CSMD1: variants seen among roughly 807,000 people sequenced by gnomAD.
CSMD1 encodes the protein CUB and sushi domain-containing protein 1.
A neutral mutation model predicts 417.5 loss-of-function variants in CSMD1; 213 were observed. The observed-to-expected ratio is 0.51, with a 90% CI of 0.46 to 0.57. The LOEUF (loss-of-function observed/expected upper bound fraction) is 0.57. CSMD1 is among the 20% of genes least tolerant of loss of function. The pLI is 0.00. For missense variants in CSMD1, 6,923 were observed against 4,529.7 expected, an observed-to-expected ratio of 1.53 and a Z score of -15.17; for synonymous variants, 2,862 against 1,736.8, an observed-to-expected ratio of 1.65 and a Z score of -16.11.
In CSMD1 at chr8:2,954,221, A is replaced by T; in HGVS notation, c.10039+3T>A. 6.7e-7 allele frequency: 1 copy of T among 1,493,674 alleles called. No individual in the cohort carries two copies. The highest frequency in any genetic ancestry group is 9.1e-7 in the Non-Finnish European group (1 of 1,099,658). 92.5% of individuals were successfully genotyped at this position (1,493,674 alleles called of 1,614,324 possible). A position where few individuals can be genotyped will look rare whatever the true frequency, so the allele number is the denominator to read the frequency against. ...AAATCTAGAACTGTTCTGGTATACA[A>T]ACCTGGAGTTTTAGTAACTGTTTCA... On this transcript the variant is annotated splice_donor_region_variant and intron_variant, in intron 65 of 69. Transcript: ENST00000635120.
chr8:4,728,843 A>G (rs1809647629), intron 1 of CSMD1, among the ~76,000 whole-genome samples: 1 of 152,158 alleles, frequency 6.6e-6, no homozygotes, highest in African/African-American at 2.4e-5. Flanking sequence ...AAAAGCTGGC[A>G]TCTACTGAGA....
chr8:4,377,491 A>C (rs188683295), intron 3 of CSMD1, among the ~76,000 whole-genome samples: 3 of 152,320 alleles, frequency 2.0e-5, no homozygotes, highest in Admixed American at 6.5e-5. Context: ...ACTATATTTT[A>C]AAGGTTCTCC....
At chr8:4,505,166 G>A (rs1321310120) in intron 2 of CSMD1, among the ~76,000 whole-genome samples, 1 of 152,154 alleles carries the variant, frequency 6.6e-6, no homozygotes, top group Non-Finnish European at 1.5e-5. Flanking sequence ...AAAACCTGGT[G>A]GCTTTAGCTT....
chr8:4,871,481 A>G (rs568497192), intron 1 of CSMD1, among the ~76,000 whole-genome samples: 2 of 152,234 alleles, frequency 1.3e-5, no homozygotes, highest in African/African-American at 4.8e-5. Context: ...AATATAATCA[A>G]GTTGACCCAA....
chr8:3,890,746 G>T (rs980611815), intron 5 of CSMD1, among the ~76,000 whole-genome samples: 4 of 152,130 alleles, frequency 2.6e-5, no homozygotes, highest in Non-Finnish European at 4.4e-5. Context: ...TTAGCATGTG[G>T]CTCTGTTGTC....
intron 7 of CSMD1, among the ~76,000 whole-genome samples, chr8:3,647,092 G>C (rs1183296055): frequency 2.0e-5 from 3 of 152,230 alleles, no homozygotes; most frequent in African/African-American, 4.8e-5. Flanking sequence ...TCCAGCCCTT[G>C]TCATGGCAAT....
intron 3 of CSMD1, among the ~76,000 whole-genome samples, chr8:4,386,471 C>A (rs1259542398): frequency 6.6e-6 from 1 of 152,242 alleles, no homozygotes; most frequent in Non-Finnish European, 1.5e-5. Flanking sequence ...TCCATCAAAA[C>A]CACCTTATCT....
chr8:4,495,532 G>A (rs1424259881), intron 2 of CSMD1, among the ~76,000 whole-genome samples: 6 of 152,048 alleles, frequency 3.9e-5, no homozygotes, highest in East Asian at 1.9e-4. Context: ...CCAGTATCTC[G>A]CCACTGCACT....
chr8:4,034,328 C>A (rs995624736), intron 3 of CSMD1, among the ~76,000 whole-genome samples: 3 of 152,102 alleles, frequency 2.0e-5, no homozygotes, highest in African/African-American at 7.2e-5. Flanking sequence ...TTTACATAGT[C>A]AAAGTGTATT....
chr8:2,953,617 T>G (rs865922427), intron 65 of CSMD1, among the ~76,000 whole-genome samples: 1 of 152,222 alleles, frequency 6.6e-6, no homozygotes, highest in African/African-American at 2.4e-5. Flanking sequence ...TAATTTAAAT[T>G]TAAAACACAG....
Position 4,637,487 on chromosome 8 carries a change from G to C in CSMD1, c.157C>G (p.Pro53Ala), listed in dbSNP as rs777240065. Residue 53 changes from proline to alanine, a missense_variant, in exon 2 of 70, where the codon CCG becomes GCG. Pro to Ala is a conservative substitution (Grantham distance 27). Coordinates refer to ENST00000635120, the MANE Select transcript of CSMD1 (RefSeq NM_033225.6). ...IESPGFPHGY[P>A]NYANCTWIII... is the part of the protein sequence containing the mutation. ...ATCCAGGTGCAGTTGGCATAGTTCG[G>C]ATACCCGTGAGGAAACCCTGGGCTC... The C allele has an allele frequency of 1.9e-6, 3 of 1,613,678 alleles. No individual in the cohort carries two copies. Among genetic ancestry groups the C allele is most frequent in the Non-Finnish European group, 2.5e-6 (3 of 1,179,854 alleles).
At chr8:3,758,230 C>G (rs1449199734) in intron 5 of CSMD1, among the ~76,000 whole-genome samples, 1 of 152,186 alleles carries the variant, frequency 6.6e-6, no homozygotes, top group African/African-American at 2.4e-5. Context: ...TCCCAGAGTG[C>G]TAGGGTTACA....
At chr8:3,918,804 T>C (rs1423872473) in intron 5 of CSMD1, among the ~76,000 whole-genome samples, 1 of 152,110 alleles carries the variant, frequency 6.6e-6, no homozygotes, top group Non-Finnish European at 1.5e-5. Context: ...TATGTTCTCA[T>C]TCATAAATGG....
At chr8:3,757,725 G>A (rs746095546) in intron 5 of CSMD1, among the ~76,000 whole-genome samples, 10 of 152,026 alleles carry the variant, frequency 6.6e-5, no homozygotes, top group Non-Finnish European at 1.0e-4. Flanking sequence ...GGCAGGCACA[G>A]GTAATCCTAG....
intron 1 of CSMD1, among the ~76,000 whole-genome samples, chr8:4,769,588 T>C (rs992538171): frequency 6.6e-6 from 1 of 152,168 alleles, no homozygotes; most frequent in Non-Finnish European, 1.5e-5. Flanking sequence ...AAAATAAGCA[T>C]TGTAAATTAA....
intron 8 of CSMD1, among the ~76,000 whole-genome samples, chr8:3,599,705 T>G (rs1377606326): frequency 6.6e-6 from 1 of 152,242 alleles, no homozygotes; most frequent in African/African-American, 2.4e-5. Context: ...GAGTATCTGC[T>G]GCATGCCCAG....
intron 2 of CSMD1, among the ~76,000 whole-genome samples, chr8:4,592,062 G>A (rs552779071): frequency 4.3e-4 from 66 of 152,164 alleles, no homozygotes; most frequent in Admixed American, 9.8e-4. Flanking sequence ...CTGAGGTACC[G>A]GAGGGACGTC....
chr8:3,941,880 G>C (rs1357999594), intron 5 of CSMD1, among the ~76,000 whole-genome samples: 2 of 152,100 alleles, frequency 1.3e-5, no homozygotes, highest in African/African-American at 2.4e-5. Flanking sequence ...GCCAGTGTCA[G>C]TCTGTGCCCT....
chr8:4,743,879 A>T (rs763190428), intron 1 of CSMD1, among the ~76,000 whole-genome samples: 39 of 152,262 alleles, frequency 2.6e-4, no homozygotes, highest in Non-Finnish European at 1.6e-4. Context: ...CTCAAGTTCT[A>T]GTTGCTCCCT....
Sources: gnomAD v4.1 joint callset for allele counts (sites outside exome capture counted in the v4.1 genomes callset) on GRCh38, gnomAD v4.1.1 for gene constraint, MANE v1.5 for transcripts, NCBI Gene and HGNC (gene_info 2026-07-23, HGNC 2026-07-21) for gene names.